MYO18B: variants seen among roughly 807,000 people sequenced by gnomAD.
The protein encoded by MYO18B is unconventional myosin-XVIIIb.
Under a neutral mutation model 273.0 loss-of-function variants are expected in MYO18B, and 204 were observed. That is an observed-to-expected ratio of 0.75 (90% CI 0.67 to 0.84). MYO18B has a LOEUF of 0.84. MYO18B is among the 40% of genes least tolerant of loss of function. MYO18B has a pLI of 0.00. For synonymous variants in MYO18B, 1,330 were observed against 1,305.7 expected (o/e 1.02, Z -0.40); for missense variants, 3,212 against 3,287.6 (o/e 0.98, Z 0.56).
rs753207203 is a variant in MYO18B at position 25,895,198 on chromosome 22, A to C, written c.4586A>C (p.Asn1529Thr). Residue 1529 changes from asparagine to threonine, a missense_variant, in exon 28 of 44, where the codon AAC (asparagine) becomes ACC (threonine). Coordinates refer to ENST00000335473, the MANE Select transcript of MYO18B (RefSeq NM_032608.7). ...CGCTTCGACTGTGCTCAGATGGAGA[A>C]CGAGTTCCTCAGAAAGCGTCTGCAG... ...QMRFDCAQME[N>T]EFLRKRLQQC... The C allele has an allele frequency of 7.4e-6, 12 of 1,611,962 alleles. No individual in the cohort carries two copies. The highest frequency in any genetic ancestry group is 1.1e-5 in the South Asian group (1 of 90,244).
intron 17 of MYO18B, among the ~76,000 whole-genome samples, chr22:25,837,593 C>T (rs745997686): frequency 1.2e-4 from 19 of 152,170 alleles, no homozygotes; most frequent in Non-Finnish European, 2.1e-4. Context: ...GAGTGAGCGC[C>T]GGCAGAAGCT....
intron 34 of MYO18B, among the ~76,000 whole-genome samples, chr22:25,922,176 G>A (rs1023758507): frequency 1.3e-5 from 2 of 152,178 alleles, no homozygotes; most frequent in African/African-American, 2.4e-5. Flanking sequence ...CCCACCCAAA[G>A]TCACACAGCT....
intron 1 of MYO18B, among the ~76,000 whole-genome samples, chr22:25,749,901 C>T (rs1466297862): frequency 1.3e-5 from 2 of 152,168 alleles, no homozygotes; most frequent in Non-Finnish European, 2.9e-5. Flanking sequence ...AGCCCACGGC[C>T]AGATCCAACT....
rs181256953 is a variant in MYO18B at position 26,027,972 on chromosome 22, G to A, written c.*12+282G>A. On this transcript the variant is annotated intron_variant, in intron 43 of 43. Transcript: ENST00000335473. This position sits in a 1 kb window ranked among gnomAD's most constrained non-coding sequence, Gnocchi z 4.1. ...GAAGGTGCCAGATGTAGCCGGGCGC[G>A]GTGGCTCACGCCTGTAATCCCAGCA... 5.7e-4 allele frequency among the ~76,000 whole-genome samples: 87 copies of A among 152,132 alleles called. No homozygotes were observed. In the East Asian group the frequency reaches 0.015, roughly 27 times the overall value.
At position 25,898,609 on chromosome 22, in the gene MYO18B, T is replaced by C. The variant is rs546993479; in HGVS notation, c.4823+148T>C. Reference sequence around the variant, plus strand: ...TCCTCCCTGTCCCGTCACACCTTATTCCTGTATGGTTCTCCCAAGAATCCA... The same window carrying C: ...TCCTCCCTGTCCCGTCACACCTTATCCCTGTATGGTTCTCCCAAGAATCCA... On this transcript the variant is annotated intron_variant, in intron 29 of 43. Coordinates refer to ENST00000335473, the MANE Select transcript of MYO18B (RefSeq NM_032608.7). 1.4e-5 allele frequency: 11 copies of C among 777,602 alleles called. No homozygotes were observed. The African/African-American group carries it at 1.6e-4, about 11-fold the overall frequency. The allele number at this position is 777,602 out of a possible 1,614,324, so 48.2% of individuals were successfully genotyped here.
At chr22:26,062,797 C>G in the MYO18B span, among the ~76,000 whole-genome samples, 2 of 152,124 alleles carry the variant, frequency 1.3e-5, no homozygotes, top group East Asian at 3.9e-4. Flanking sequence ...ATCCCCAAGG[C>G]CAAGCCCTGT....
intron 1 of MYO18B, among the ~76,000 whole-genome samples, chr22:25,757,504 T>C (rs1191059081): frequency 2.0e-5 from 3 of 151,918 alleles, no homozygotes; most frequent in African/African-American, 7.3e-5. Flanking sequence ...GGAGAATTGC[T>C]TGAACTCAGG....
At chr22:25,877,008 T>A (rs918890725) in intron 24 of MYO18B, 1 of 152,234 alleles carries the variant, frequency 6.6e-6, no homozygotes, top group Non-Finnish European at 1.5e-5. Flanking sequence ...TGAAGCAGCT[T>A]CTGAATGGTG....
intron 1 of MYO18B, among the ~76,000 whole-genome samples, chr22:25,751,750 G>T (rs2085935712): frequency 6.6e-6 from 1 of 152,228 alleles, no homozygotes; most frequent in Non-Finnish European, 1.5e-5. Flanking sequence ...GAATATAAGG[G>T]TCATGGGGGA....
intron 25 of MYO18B, among the ~76,000 whole-genome samples, chr22:25,887,609 C>T (rs116868806): frequency 9.0e-4 from 137 of 152,214 alleles, no homozygotes; most frequent in East Asian, 7.3e-3. Context: ...CAGACTCCCC[C>T]CTTCATTAAA....
chr22:25,980,074 G>A (rs940660453), intron 39 of MYO18B, among the ~76,000 whole-genome samples: 2 of 152,162 alleles, frequency 1.3e-5, no homozygotes, highest in Non-Finnish European at 2.9e-5. Context: ...GACAGGGGTA[G>A]GAAACTCCCA....
chr22:26,044,983 C>T, the MYO18B span, among the ~76,000 whole-genome samples: 4 of 152,156 alleles, frequency 2.6e-5, no homozygotes, highest in East Asian at 7.7e-4. Context: ...CTCCCTATGC[C>T]CTTGGGTTGT....
At chr22:25,942,249 G>T (rs1226827691) in intron 34 of MYO18B, among the ~76,000 whole-genome samples, 1 of 152,148 alleles carries the variant, frequency 6.6e-6, no homozygotes, top group Non-Finnish European at 1.5e-5. Flanking sequence ...ACTTAGTGTT[G>T]GTAACGTTGG....
chr22:25,880,785 C>G (rs1207852524), intron 25 of MYO18B, among the ~76,000 whole-genome samples: 1 of 152,180 alleles, frequency 6.6e-6, no homozygotes, highest in African/African-American at 2.4e-5. Flanking sequence ...AAGGAGGTGA[C>G]AGTGATGGAG....
chr22:25,897,866 CT>C, intron 28 of MYO18B: 1 of 160,762 alleles, frequency 6.2e-6, no homozygotes, highest in Non-Finnish European at 1.4e-5. Flanking sequence ...CTGCTTTAAC[CT>C]TTAAGGCTTG....
intron 42 of MYO18B, among the ~76,000 whole-genome samples, chr22:26,025,404 C>A (rs1936163403): frequency 6.6e-6 from 1 of 152,152 alleles, no homozygotes; most frequent in South Asian, 2.1e-4. Flanking sequence ...GAATCTCAGT[C>A]ACCCTTTATA....
intron 20 of MYO18B, among the ~76,000 whole-genome samples, chr22:25,848,529 G>A (rs994270407): frequency 2.0e-5 from 3 of 152,200 alleles, no homozygotes; most frequent in African/African-American, 7.2e-5. Flanking sequence ...ATCCACCAGC[G>A]CAGGCTGGGA....
At chr22:25,982,077 C>T (rs1211031013) in intron 39 of MYO18B, among the ~76,000 whole-genome samples, 1 of 152,128 alleles carries the variant, frequency 6.6e-6, no homozygotes, top group African/African-American at 2.4e-5. Flanking sequence ...GGGGGAGGTG[C>T]TACCAGATCT....
chr22:25,879,000 A>G (rs912848507), intron 25 of MYO18B, among the ~76,000 whole-genome samples: 6 of 152,294 alleles, frequency 3.9e-5, no homozygotes, highest in Non-Finnish European at 5.9e-5. Flanking sequence ...GGAGCTTATT[A>G]ACAGAACAGT....
Sources: allele counts gnomAD v4.1 joint callset (sites outside exome capture counted in the v4.1 genomes callset), GRCh38; gene constraint gnomAD v4.1.1; non-coding constraint Gnocchi (gnomAD v3.1); transcripts MANE v1.5; gene names NCBI Gene and HGNC (gene_info 2026-07-23, HGNC 2026-07-21).